MAGI1: variants seen among roughly 807,000 people sequenced by gnomAD.
The protein encoded by MAGI1 is membrane-associated guanylate kinase, WW and PDZ domain-containing protein 1.
Under a neutral mutation model 139.9 loss-of-function variants are expected in MAGI1, and 58 were observed. The observed-to-expected ratio is 0.41, with a 90% CI of 0.34 to 0.52. The LOEUF (loss-of-function observed/expected upper bound fraction) is 0.52. MAGI1 is among the 20% of genes least tolerant of loss of function. The pLI, the probability that MAGI1 is intolerant of heterozygous loss-of-function variation, is 0.12. For synonymous variants in MAGI1, 812 were observed against 737.9 expected (o/e 1.10, Z -1.63); for missense variants, 1,874 against 1,901.6 (o/e 0.99, Z 0.27).
At chr3:65,443,762 G>C (rs1221258931) in intron 7 of MAGI1, among the ~76,000 whole-genome samples, 2 of 152,224 alleles carry the variant, frequency 1.3e-5, no homozygotes, top group East Asian at 3.9e-4. Flanking sequence ...GATACACGTA[G>C]TCAAGGCAAA....
chr3:65,829,798 C>T (rs2042429872), intron 1 of MAGI1, among the ~76,000 whole-genome samples: 1 of 152,176 alleles, frequency 6.6e-6, no homozygotes, highest in Non-Finnish European at 1.5e-5. Flanking sequence ...CCAGACTATT[C>T]TGAAAGCCAA....
At chr3:65,644,477 C>A (rs1397340649) in intron 1 of MAGI1, among the ~76,000 whole-genome samples, 3 of 150,472 alleles carry the variant, frequency 2.0e-5, no homozygotes, top group Non-Finnish European at 4.4e-5. Context: ...GAGCAGATTT[C>A]TTGAGCTCAG....
chr3:65,767,912 T>G (rs1351296903), intron 1 of MAGI1, among the ~76,000 whole-genome samples: 1 of 152,234 alleles, frequency 6.6e-6, no homozygotes, highest in Non-Finnish European at 1.5e-5. Context: ...TCATTGTTCC[T>G]GGCTTAAGCT....
chr3:65,578,878 G>A (rs567795068), intron 2 of MAGI1, among the ~76,000 whole-genome samples: 5 of 151,852 alleles, frequency 3.3e-5, no homozygotes, highest in Admixed American at 1.3e-4. Flanking sequence ...GTGAGATCGC[G>A]CCACTACAAT....
chr3:65,705,381 C>T (rs958747096), intron 1 of MAGI1, among the ~76,000 whole-genome samples: 3 of 152,084 alleles, frequency 2.0e-5, no homozygotes, highest in Non-Finnish European at 4.4e-5. Flanking sequence ...TTAGTAAGCC[C>T]TCAAGAGGAG....
At chr3:65,878,213 T>C (rs2060191035) in intron 1 of MAGI1, among the ~76,000 whole-genome samples, 1 of 151,926 alleles carries the variant, frequency 6.6e-6, no homozygotes, top group African/African-American at 2.4e-5. Context: ...AAGTCAAAAG[T>C]TGGATATAAG....
intron 2 of MAGI1, among the ~76,000 whole-genome samples, chr3:65,541,850 A>G (rs1309942416): frequency 6.6e-6 from 1 of 152,232 alleles, no homozygotes; most frequent in Non-Finnish European, 1.5e-5. Context: ...ATTCCCTTTG[A>G]AAATGGGAAC....
chr3:66,001,643 G>A (rs1344910185), intron 1 of MAGI1, among the ~76,000 whole-genome samples: 4 of 152,142 alleles, frequency 2.6e-5, no homozygotes, highest in Non-Finnish European at 4.4e-5. Flanking sequence ...CAAATAAGCA[G>A]ACCCCAACCC....
intron 1 of MAGI1, among the ~76,000 whole-genome samples, chr3:65,833,959 C>T (rs989764956): frequency 1.6e-4 from 24 of 152,206 alleles, no homozygotes; most frequent in African/African-American, 5.3e-4. Context: ...GTACACATGA[C>T]TAGCTATGTA....
At position 65,778,598 on chromosome 3, in the gene MAGI1, A is replaced by G. The variant is rs141666268; in HGVS notation, c.314-156510T>C. On this transcript the variant is annotated intron_variant, in intron 1 of 22. Transcript: ENST00000402939. ...CCAGAAGATGGGGACCATGACTTCAATTGCACAGGTGAGGAAACAGCAGTT... is the reference window on the plus strand; with the variant it reads ...CCAGAAGATGGGGACCATGACTTCAGTTGCACAGGTGAGGAAACAGCAGTT... Among the ~76,000 whole-genome samples, 1,282 of 152,210 alleles carry G rather than the reference A, an allele frequency of 8.4e-3. 14 individuals are homozygous for G. The highest frequency in any genetic ancestry group is 0.023 in the African/African-American group (974 of 41,534).
intron 1 of MAGI1, among the ~76,000 whole-genome samples, chr3:65,753,214 A>C (rs1420295613): frequency 1.3e-5 from 2 of 152,152 alleles, no homozygotes; most frequent in African/African-American, 4.8e-5. Flanking sequence ...ACAGGGATGC[A>C]TTGCAAATAC....
intron 1 of MAGI1, among the ~76,000 whole-genome samples, chr3:65,686,465 T>G (rs576646902): frequency 2.0e-4 from 31 of 152,190 alleles, no homozygotes; most frequent in Non-Finnish European, 3.7e-4. Context: ...CTAATTTTTT[T>G]TATTTTTAGT....
intron 14 of MAGI1, chr3:65,387,140 T>C: frequency 6.2e-7 from 1 of 1,612,970 alleles, no homozygotes; most frequent in South Asian, 1.1e-5. Flanking sequence ...AGCGGATCCT[T>C]ACTCGGACAT....
chr3:65,845,774 T>C (rs939446116), intron 1 of MAGI1, among the ~76,000 whole-genome samples: 3 of 152,196 alleles, frequency 2.0e-5, no homozygotes, highest in Non-Finnish European at 4.4e-5. Context: ...CGACCTTCTC[T>C]GGTTCCAAAT....
At chr3:65,493,450 G>A (rs1952202613) in intron 3 of MAGI1, 62 bp downstream of exon 3, 2 of 1,605,632 alleles carry the variant, frequency 1.2e-6, no homozygotes, top group African/African-American at 2.7e-5. Flanking sequence ...TGCCTGGATG[G>A]CTCTGGCTCC....
chr3:65,888,923 T>C (rs1313352422), intron 1 of MAGI1, among the ~76,000 whole-genome samples: 1 of 152,220 alleles, frequency 6.6e-6, no homozygotes, highest in Non-Finnish European at 1.5e-5. Flanking sequence ...TTCTATAATA[T>C]ACAGATGCCA....
At chr3:65,358,548 C>G (rs1940451196) in intron 22 of MAGI1, among the ~76,000 whole-genome samples, 1 of 152,172 alleles carries the variant, frequency 6.6e-6, no homozygotes, top group African/African-American at 2.4e-5. Flanking sequence ...TGGGCCACAC[C>G]ATCTCTGTTA....
In MAGI1 at chr3:65,965,545, C is replaced by T. The variant is rs1176880933; in HGVS notation, c.313+72451G>A. Among the ~76,000 whole-genome samples, 12 of 152,108 alleles carry T rather than the reference C, an allele frequency of 7.9e-5. No individual in the cohort carries two copies. In the South Asian group the frequency reaches 1.7e-3, roughly 21 times the overall value. ...CATATTAACACCTGATAGAGACTTA[C>T]TTGATGTAATCTCAAGAACTGAGAA... On this transcript the variant is annotated intron_variant, in intron 1 of 22. Coordinates refer to ENST00000402939, the MANE Select transcript of MAGI1 (RefSeq NM_001033057.2).
intron 1 of MAGI1, among the ~76,000 whole-genome samples, chr3:66,001,786 A>G (rs768077514): frequency 4.6e-5 from 7 of 152,228 alleles, no homozygotes; most frequent in Admixed American, 6.5e-5. Context: ...AACAATGGAA[A>G]ATTTTGGACA....
Sources: allele counts gnomAD v4.1 joint callset (sites outside exome capture counted in the v4.1 genomes callset), GRCh38; gene constraint gnomAD v4.1.1; transcripts MANE v1.5; gene names NCBI Gene and HGNC (gene_info 2026-07-23, HGNC 2026-07-21).